NCKAP1L: variants seen among roughly 807,000 people sequenced by gnomAD.
NCKAP1L encodes nck-associated protein 1-like.
In NCKAP1L, 53 loss-of-function variants were observed where a neutral mutation model predicts 139.2. The ratio of observed to expected loss-of-function variants is 0.38; its 90% confidence interval spans 0.31 to 0.48. The LOEUF (loss-of-function observed/expected upper bound fraction) is 0.48. NCKAP1L is among the 20% of genes least tolerant of loss of function. NCKAP1L has a pLI of 0.98. For synonymous variants in NCKAP1L, 468 were observed against 499.7 expected (o/e 0.94, Z 0.85); for missense variants, 1,151 against 1,381.9 (o/e 0.83, Z 2.65).
In NCKAP1L at chr12:54,519,183, G is replaced by A. The variant is rs541312884; in HGVS notation, c.1480-4G>A. On this transcript the variant is annotated splice_polypyrimidine_tract_variant and splice_region_variant and intron_variant, in intron 15 of 30. Transcript: ENST00000293373. Reference sequence around the variant, plus strand: ...TCTCCACACTTTCCCAACTCCAACCGCAGGCATACACTAGCGTGGCTAAGG... The same window carrying A: ...TCTCCACACTTTCCCAACTCCAACCACAGGCATACACTAGCGTGGCTAAGG... 65 of 1,556,250 alleles carry A rather than the reference G, an allele frequency of 4.2e-5. No individual in the cohort carries two copies. In the Middle Eastern group the frequency reaches 5.2e-4, roughly 12 times the overall value.
rs753836894 is a variant in NCKAP1L, at chr12:54,518,769, G to A, written c.1420+37G>A. On this transcript the variant is annotated intron_variant, in intron 14 of 30. Transcript: ENST00000293373. ...GAGGTGGGGGAGGCAGGACATATGT[G>A]AGGATGAACATCTTTTATCCGGAAA... 2.6e-6 allele frequency: 4 copies of A among 1,562,806 alleles called. No individual in the cohort carries two copies. The South Asian group carries it at 4.4e-5, about 17-fold the overall frequency.
Position 54,508,399 on chromosome 12 carries a change from T to G in NCKAP1L, c.374T>G (p.Phe125Cys). Residue 125 changes from phenylalanine to cysteine, a missense_variant, in exon 5 of 31, where the codon TTT becomes TGT. Physicochemically the swap from Phe to Cys is radical, Grantham distance 205 (BLOSUM62 -2). Transcript: ENST00000293373. The stretch of plus-strand genomic sequence containing the variant: ...GTATTTTCCTTGTAGAATCTCAACT[T>G]TGATTTCACTCGGAGTTACCTGGAC... ...CQCHFDINLN[F>C]DFTRSYLDLI... 6.2e-7 allele frequency: 1 copy of G among 1,614,116 alleles called. No individual in the cohort carries two copies. Among genetic ancestry groups the G allele is most frequent in the Non-Finnish European group, 8.5e-7 (1 of 1,179,950 alleles).
In NCKAP1L at chr12:54,532,246, T is replaced by A. The variant is rs755017663; in HGVS notation, c.2858T>A (p.Ile953Asn). Residue 953 changes from isoleucine to asparagine, a missense_variant, in exon 26 of 31, where the codon ATC (isoleucine) becomes AAC (asparagine). Physicochemically the swap from Ile to Asn is moderately radical, Grantham distance 149. Transcript: ENST00000293373. Reference protein sequence around the residue: ...LKEFVTPDTDIKVTLSIFELA... With the variant: ...LKEFVTPDTDNKVTLSIFELA... ...GAGTTTGTCACTCCAGACACAGACA[T>A]CAAGGTATGGAGGAGTGCAAAGTAG... 3.1e-6 allele frequency: 5 copies of A among 1,612,822 alleles called. No homozygotes were observed. In the South Asian group the frequency reaches 5.5e-5, roughly 18 times the overall value.
At chr12:54,513,783 C>G (rs1679025056) in intron 9 of NCKAP1L, among the ~76,000 whole-genome samples, 1 of 152,024 alleles carries the variant, frequency 6.6e-6, no homozygotes, top group Non-Finnish European at 1.5e-5. Context: ...ACAGCTCTTT[C>G]AAAGTTTGAC....
At chr12:54,513,435 A>C (rs1208282895) in intron 9 of NCKAP1L, among the ~76,000 whole-genome samples, 1 of 152,202 alleles carries the variant, frequency 6.6e-6, no homozygotes, top group African/African-American at 2.4e-5. Flanking sequence ...AGTTAAAGCC[A>C]GAAGAGTAGT....
chr12:54,497,980 C>T, intron 1 of NCKAP1L, 89 bp downstream of exon 1: 1 of 774,180 alleles, frequency 1.3e-6, no homozygotes, highest in Non-Finnish European at 2.3e-6. Flanking sequence ...GTTAGACTCC[C>T]ACCTTTTTTT....
chr12:54,504,908 C>T (rs554665815), intron 3 of NCKAP1L, among the ~76,000 whole-genome samples: 9 of 152,262 alleles, frequency 5.9e-5, no homozygotes, highest in South Asian at 2.1e-4. Context: ...ATAAGACCTG[C>T]GTAGTGACAT....
rs534820963 is a variant in NCKAP1L, at chr12:54,543,056, C to T, written c.*371C>T. On this transcript the variant is annotated 3_prime_UTR_variant, in exon 31 of 31. Coordinates refer to ENST00000293373, the MANE Select transcript of NCKAP1L (RefSeq NM_005337.5). Reference sequence around the variant, plus strand: ...ATCACTATTCTTAGGATAATGCTGGCGGGCAGAGATGATCAATCATCATAT... The same window carrying T: ...ATCACTATTCTTAGGATAATGCTGGTGGGCAGAGATGATCAATCATCATAT... 6.0e-5 allele frequency: 11 copies of T among 182,700 alleles called. No individual in the cohort carries two copies. The highest frequency in any genetic ancestry group is 1.0e-4 in the Non-Finnish European group (9 of 87,488). 11.3% of individuals were successfully genotyped at this position (182,700 alleles called of 1,614,324 possible). A position where few individuals can be genotyped will look rare whatever the true frequency, so the allele number is the denominator to read the frequency against.
chr12:54,514,553 T>C (rs534898226), intron 9 of NCKAP1L, among the ~76,000 whole-genome samples: 2 of 152,106 alleles, frequency 1.3e-5, no homozygotes, highest in Middle Eastern at 3.4e-3. Context: ...AAACTCCTGA[T>C]CTCAGGTGAT....
At chr12:54,500,458 C>T (rs954181007) in intron 2 of NCKAP1L, 75 bp from the exon 3 acceptor site, 29 of 1,036,310 alleles carry the variant, frequency 2.8e-5, no homozygotes, top group Non-Finnish European at 4.4e-5. Context: ...GGTATAACCA[C>T]TGTTCTTCTT....
intron 16 of NCKAP1L, among the ~76,000 whole-genome samples, chr12:54,519,694 A>C (rs1342318756): frequency 6.6e-6 from 1 of 152,006 alleles, no homozygotes; most frequent in Admixed American, 6.5e-5. Context: ...TCCGCAGCTC[A>C]CTTGTGTCAG....
chr12:54,524,369 T>C (rs1327033849), intron 20 of NCKAP1L, among the ~76,000 whole-genome samples: 1 of 152,222 alleles, frequency 6.6e-6, no homozygotes, highest in Non-Finnish European at 1.5e-5. Flanking sequence ...GAATTACCCA[T>C]AATTGAGAGT....
At chr12:54,530,186 C>T (rs549089152) in intron 22 of NCKAP1L, among the ~76,000 whole-genome samples, 1 of 152,360 alleles carries the variant, frequency 6.6e-6, no homozygotes, top group South Asian at 2.1e-4. Context: ...TTCCATTTCT[C>T]TCTGAACTCT....
chr12:54,540,494 C>T (rs1957148787), intron 30 of NCKAP1L, among the ~76,000 whole-genome samples: 2 of 152,172 alleles, frequency 1.3e-5, no homozygotes, highest in South Asian at 4.1e-4. Context: ...AGAGCAGCAG[C>T]ATGGCCTTGG....
chr12:54,517,189 G>A (rs549886387), intron 11 of NCKAP1L, among the ~76,000 whole-genome samples, 197 bp downstream of exon 11: 1 of 152,290 alleles, frequency 6.6e-6, no homozygotes, highest in South Asian at 2.1e-4. Flanking sequence ...AGTATGTGGT[G>A]TATTAAGATT....
Position 54,517,586 on chromosome 12 carries a change from G to C in NCKAP1L, c.1149G>C (p.Leu383=). ...TCATTCGTGATGAGGTCACCTGGCT[G>C]GTTCGCCACACAGAGAATGTCACCA... The part of the protein sequence containing the change: ...LSFIRDEVTW[L]VRHTENVTKT... The change falls in exon 12 of 31, where the codon CTG becomes CTC. Residue 383 remains leucine, a synonymous_variant. Transcript: ENST00000293373. 6.2e-7 allele frequency: 1 copy of C among 1,614,084 alleles called. No homozygotes were observed. Among genetic ancestry groups the C allele is most frequent in the Non-Finnish European group, 8.5e-7 (1 of 1,180,016 alleles).
rs1957003012 is a variant in NCKAP1L, at chr12:54,523,510, T to A, written c.1995T>A (p.Ser665Arg). 3.7e-6 allele frequency: 6 copies of A among 1,612,728 alleles called. No individual in the cohort carries two copies. Among genetic ancestry groups the A allele is most frequent in the Non-Finnish European group, 5.1e-6 (6 of 1,179,588 alleles). ...EPERDKPGAESHRKNRSIVTN... is the reference protein window; with the variant it reads ...EPERDKPGAERHRKNRSIVTN... ...AGAGGGACAAGCCAGGAGCTGAGAG[T>A]CACCGGAAGAACCGCAGCATTGTCA... is the stretch of plus-strand genomic sequence containing the variant. Residue 665 changes from serine (S) to arginine (R), a missense_variant, in exon 19 of 31, where the codon AGT becomes AGA. Ser to Arg is a moderately radical substitution (Grantham distance 110). Coordinates refer to ENST00000293373, the MANE Select transcript of NCKAP1L (RefSeq NM_005337.5).
chr12:54,510,334 AT>A, intron 7 of NCKAP1L: 5 of 438,912 alleles, frequency 1.1e-5, no homozygotes, highest in Admixed American at 8.0e-5. Flanking sequence ...ACTTATTTTT[AT>A]TTTTTTGAGA....
intron 18 of NCKAP1L, among the ~76,000 whole-genome samples, chr12:54,522,137 G>A (rs534063882): frequency 5.3e-5 from 8 of 152,290 alleles, no homozygotes; most frequent in South Asian, 4.1e-4. Flanking sequence ...CAGAAGGAAG[G>A]TACACAATTC....
Sources: gnomAD v4.1 joint callset for allele counts (sites outside exome capture counted in the v4.1 genomes callset) on GRCh38, gnomAD v4.1.1 for gene constraint, MANE v1.5 for transcripts, NCBI Gene and HGNC (gene_info 2026-07-23, HGNC 2026-07-21) for gene names.